The following NCAM2 variants were observed in gnomAD, a reference collection of about 807,000 sequenced individuals.
NCAM2 encodes N-CAM-2.
NCAM2 carries 30 observed loss-of-function variants against 98.1 expected under a neutral mutation model. The observed-to-expected ratio is 0.31, with a 90% confidence interval of 0.23 to 0.41. The LOEUF is 0.41. Among genes scored for constraint, NCAM2 ranks in the 10% least tolerant of loss-of-function variants. The pLI is 1.00. For synonymous variants in NCAM2, 368 were observed against 342.4 expected (o/e 1.07, Z -0.83); for missense variants, 867 against 1,005.8 (o/e 0.86, Z 1.87).
intron 9 of NCAM2, among the ~76,000 whole-genome samples, chr21:21,403,330 G>C (rs1375830561): frequency 1.3e-5 from 2 of 152,060 alleles, no homozygotes; most frequent in Non-Finnish European, 2.9e-5. Context: ...TTTTGCATCT[G>C]CCTCATCCAC....
intron 5 of NCAM2, among the ~76,000 whole-genome samples, chr21:21,311,595 C>T (rs1356380301): frequency 6.6e-6 from 1 of 152,248 alleles, no homozygotes; most frequent in Admixed American, 6.5e-5. Flanking sequence ...CCCACCTCAG[C>T]CTCCCAAAGT....
chr21:21,045,190 A>G (rs1406657536), intron 1 of NCAM2, among the ~76,000 whole-genome samples: 1 of 152,180 alleles, frequency 6.6e-6, no homozygotes, highest in African/African-American at 2.4e-5. Context: ...AGATTATCAT[A>G]GTGGAGAAAT....
intron 1 of NCAM2, among the ~76,000 whole-genome samples, chr21:21,192,707 G>A (rs904257484): frequency 3.9e-5 from 6 of 151,996 alleles, no homozygotes; most frequent in Admixed American, 3.9e-4. Context: ...GATGGTGAAG[G>A]TAAAAAAAAC....
chr21:21,165,497 A>C (rs903477959), intron 1 of NCAM2, among the ~76,000 whole-genome samples: 1 of 152,152 alleles, frequency 6.6e-6, no homozygotes, highest in African/African-American at 2.4e-5. Context: ...AGTGTGGCCC[A>C]GGGCCTCAAG....
rs191278918 is a variant in NCAM2 at position 21,074,884 on chromosome 21, A to C, written c.55+76266A>C. Among the ~76,000 whole-genome samples, 510 of 152,304 alleles carry C rather than the reference A, an allele frequency of 3.3e-3. 2 individuals carry two copies. The highest frequency in any genetic ancestry group is 0.012 in the African/African-American group (492 of 41,556). On this transcript the variant is annotated intron_variant, in intron 1 of 17. Transcript: ENST00000400546. ...TCTTCATCATTCTATAAAGACATGC[A>C]CATGTATGTTTATTACGGCACTATT... is the stretch of plus-strand genomic sequence containing the variant.
chr21:21,367,406 A>G (rs2075814383), intron 8 of NCAM2, among the ~76,000 whole-genome samples: 1 of 151,952 alleles, frequency 6.6e-6, no homozygotes, highest in Non-Finnish European at 1.5e-5. Context: ...CTCCTATAGT[A>G]GTTATTTGTC....
intron 16 of NCAM2, among the ~76,000 whole-genome samples, chr21:21,517,667 G>C (rs1988786908): frequency 6.6e-6 from 1 of 152,076 alleles, no homozygotes; most frequent in Non-Finnish European, 1.5e-5. Context: ...AGACCAGCCT[G>C]GCCAACATAG....
chr21:21,535,955 A>AT (rs1186373261), intron 17 of NCAM2, among the ~76,000 whole-genome samples: 1 of 152,094 alleles, frequency 6.6e-6, no homozygotes, highest in Non-Finnish European at 1.5e-5. Flanking sequence ...AACTTAATAT[A>AT]TATTTCATGA....
At chr21:21,056,010 T>C (rs2065202583) in intron 1 of NCAM2, among the ~76,000 whole-genome samples, 1 of 152,106 alleles carries the variant, frequency 6.6e-6, no homozygotes, top group Non-Finnish European at 1.5e-5. Context: ...CTCATTTTGC[T>C]AGCAATATTT....
chr21:21,164,008 T>TC (rs1283162859), intron 1 of NCAM2, among the ~76,000 whole-genome samples: 4 of 152,100 alleles, frequency 2.6e-5, no homozygotes, highest in Non-Finnish European at 4.4e-5. Flanking sequence ...ATTCCTGGAA[T>TC]CACTGCAAGT....
At chr21:21,311,552 A>G (rs1358261226) in intron 5 of NCAM2, among the ~76,000 whole-genome samples, 1 of 152,040 alleles carries the variant, frequency 6.6e-6, no homozygotes, top group East Asian at 1.9e-4. Context: ...CGTGTTAGCC[A>G]GGAGGGTCTC....
chr21:21,389,577 A>G (rs2076337739), intron 9 of NCAM2, among the ~76,000 whole-genome samples: 1 of 151,808 alleles, frequency 6.6e-6, no homozygotes, highest in Non-Finnish European at 1.5e-5. Flanking sequence ...ATCTCTCTTC[A>G]TTTTTCCCTG....
chr21:21,005,732 T>C (rs1160194729), intron 1 of NCAM2, among the ~76,000 whole-genome samples: 1 of 151,966 alleles, frequency 6.6e-6, no homozygotes, highest in Non-Finnish European at 1.5e-5. Context: ...AGTCAGCTTC[T>C]CTGCTTTATT....
At chr21:21,428,196 G>A (rs1242814147) in intron 11 of NCAM2, among the ~76,000 whole-genome samples, 1 of 152,116 alleles carries the variant, frequency 6.6e-6, no homozygotes, top group East Asian at 1.9e-4. Context: ...TCATTGAGTG[G>A]TGAATGGTAT....
chr21:21,387,211 C>G (rs1449338280), intron 9 of NCAM2, among the ~76,000 whole-genome samples: 7 of 136,148 alleles, frequency 5.1e-5, no homozygotes, highest in African/African-American at 1.6e-4. Flanking sequence ...CACACACACA[C>G]ACACACACAC....
intron 8 of NCAM2, among the ~76,000 whole-genome samples, chr21:21,355,486 AG>A (rs111887555): frequency 1 from 122,792 of 122,868 alleles, 61,358 homozygotes; most frequent in Middle Eastern, 1. Flanking sequence ...AAAAAAAAGG[AG>A]AGAAAGAAAG....
In NCAM2 at chr21:21,116,130, G is replaced by A. The variant is rs77495531; in HGVS notation, c.55+117512G>A. Among the ~76,000 whole-genome samples, 534 of 152,060 alleles carry A rather than the reference G, an allele frequency of 3.5e-3. 8 individuals are homozygous for A. The highest frequency in any genetic ancestry group is 0.012 in the African/African-American group (513 of 41,480). ...GACATCATATTCAGGAAAATAAAAT[G>A]TATTTTCTTGCGTTTATTAGTTTAG... is the stretch of plus-strand genomic sequence containing the variant. On this transcript the variant is annotated intron_variant, in intron 1 of 17. Transcript: ENST00000400546.
In NCAM2 at chr21:21,445,726, G is replaced by T. The variant is rs554523682; in HGVS notation, c.1654+13445G>T. Among the ~76,000 whole-genome samples, 4 of 151,864 alleles carry T rather than the reference G, an allele frequency of 2.6e-5. No individual in the cohort carries two copies. In the South Asian group the frequency reaches 8.3e-4, roughly 32 times the overall value. On this transcript the variant is annotated intron_variant, in intron 12 of 17. Coordinates refer to ENST00000400546, the MANE Select transcript of NCAM2 (RefSeq NM_004540.5). The stretch of plus-strand genomic sequence containing the variant: ...TTTGAGCCTATGTGTGCCTTTGCAC[G>T]TGAGATGGGTCTCCAGAATACAACA...
chr21:21,372,516 A>G (rs1332051658), intron 8 of NCAM2, among the ~76,000 whole-genome samples: 1 of 151,810 alleles, frequency 6.6e-6, no homozygotes, highest in African/African-American at 2.4e-5. Context: ...AATCTTTAGT[A>G]GGTGTTGAAT....
Sources: gnomAD v4.1 joint callset for allele counts (sites outside exome capture counted in the v4.1 genomes callset) on GRCh38, gnomAD v4.1.1 for gene constraint, MANE v1.5 for transcripts, NCBI Gene and HGNC (gene_info 2026-07-23, HGNC 2026-07-21) for gene names.